Variants in ESRRB observed in about 807,000 individuals in gnomAD.
The protein encoded by ESRRB is estrogen related receptor beta.
A neutral mutation model predicts 46.0 loss-of-function variants in ESRRB; 16 were observed. That is an observed-to-expected ratio of 0.35 (90% confidence interval 0.24 to 0.53). ESRRB has a LOEUF of 0.53. Among genes scored for constraint, ESRRB ranks in the 20% least tolerant of loss-of-function variants. The pLI is 0.93. For synonymous variants in ESRRB, 246 were observed against 259.6 expected (o/e 0.95, Z 0.50); for missense variants, 488 against 607.4 (o/e 0.80, Z 2.07).
At chr14:76,490,619 G>A (rs778241120) in intron 5 of ESRRB, among the ~76,000 whole-genome samples, 13 of 152,214 alleles carry the variant, frequency 8.5e-5, no homozygotes, top group Admixed American at 2.0e-4. Context: ...GTTCAACCCA[G>A]GCAATCCCCA....
At position 76,499,836 on chromosome 14, in the gene ESRRB, G is replaced by C. The variant is rs758881455; in HGVS notation, c.*1378G>C. On this transcript the variant is annotated 3_prime_UTR_variant, in exon 7 of 7. Coordinates refer to ENST00000644823, the MANE Select transcript of ESRRB (RefSeq NM_001379180.1). ...AAAGTTTTCACTAACTCAAGGGGCA[G>C]CCCTGAACACCCATTTGTGCTCACA... 6.3e-7 allele frequency: 1 copy of C among 1,594,246 alleles called. No homozygotes were observed. The highest frequency in any genetic ancestry group is 1.7e-5 in the Admixed American group (1 of 60,006).
intron 1 of ESRRB, among the ~76,000 whole-genome samples, chr14:76,320,387 G>A (rs960612094): frequency 4.6e-5 from 7 of 152,166 alleles, no homozygotes; most frequent in East Asian, 1.9e-4. Flanking sequence ...TTCTTCTTCT[G>A]TAAAAGAAAT....
chr14:76,344,866 T>G (rs1474660300), intron 1 of ESRRB, among the ~76,000 whole-genome samples: 3 of 150,972 alleles, frequency 2.0e-5, no homozygotes, highest in South Asian at 2.1e-4. Context: ...AAAAAAAGAA[T>G]AATAGTGTCC....
chr14:76,422,206 C>CTT (rs552738537), intron 1 of ESRRB, among the ~76,000 whole-genome samples: 305 of 94,704 alleles, frequency 3.2e-3, no homozygotes, highest in Middle Eastern at 0.016. Flanking sequence ...ACATTTCCTT[C>CTT]TTTTTTTTTT....
chr14:76,412,283 A>G (rs1487562346), intron 1 of ESRRB, among the ~76,000 whole-genome samples: 2 of 152,210 alleles, frequency 1.3e-5, no homozygotes, highest in Non-Finnish European at 2.9e-5. Flanking sequence ...ACAGGAATAG[A>G]TGGAGTGGCT....
chr14:76,399,409 A>G (rs1248470178), intron 1 of ESRRB, among the ~76,000 whole-genome samples: 1 of 152,080 alleles, frequency 6.6e-6, no homozygotes, highest in African/African-American at 2.4e-5. Context: ...GGTGAAATCA[A>G]ACAGCCAACA....
chr14:76,443,667 T>C (rs1055954651), intron 2 of ESRRB, among the ~76,000 whole-genome samples: 7 of 152,212 alleles, frequency 4.6e-5, no homozygotes, highest in Admixed American at 3.3e-4. Flanking sequence ...CATGTTGTTC[T>C]TAGATGGGCT....
intron 1 of ESRRB, among the ~76,000 whole-genome samples, chr14:76,344,992 G>A (rs1884233285): frequency 6.6e-6 from 1 of 152,092 alleles, no homozygotes; most frequent in Non-Finnish European, 1.5e-5. Flanking sequence ...TGGGCATTTG[G>A]GTTGGTTCCA....
At chr14:76,404,895 A>G (rs1277255832) in intron 1 of ESRRB, among the ~76,000 whole-genome samples, 1 of 152,160 alleles carries the variant, frequency 6.6e-6, no homozygotes, top group Non-Finnish European at 1.5e-5. Context: ...AGGGCTCAGT[A>G]TGAAAGAACA....
At chr14:76,327,085 C>T (rs1372010471) in intron 1 of ESRRB, among the ~76,000 whole-genome samples, 1 of 152,266 alleles carries the variant, frequency 6.6e-6, no homozygotes, top group Non-Finnish European at 1.5e-5. Context: ...GCCTTCCTGG[C>T]TGCTGGGCAA....
At chr14:76,449,270 G>A (rs1349624592) in intron 2 of ESRRB, among the ~76,000 whole-genome samples, 2 of 152,152 alleles carry the variant, frequency 1.3e-5, no homozygotes. Flanking sequence ...TTTACTCCCA[G>A]GCCAGGCATG....
chr14:76,454,312 G>T (rs1043307936), intron 2 of ESRRB, among the ~76,000 whole-genome samples: 1 of 152,166 alleles, frequency 6.6e-6, no homozygotes, highest in Non-Finnish European at 1.5e-5. Context: ...TTGAGATACT[G>T]TACTTGAGAT....
At chr14:76,369,280 G>GTT (rs201369005), upstream of ESRRB, among the ~76,000 whole-genome samples, 27,660 of 143,586 alleles carry the variant, frequency 0.19, 3,317 homozygotes, top group Non-Finnish European at 0.28. Flanking sequence ...TTTCTTTGAG[G>GTT]TTTTTTTTTT....
chr14:76,455,494 A>G (rs1454187999), intron 2 of ESRRB, among the ~76,000 whole-genome samples: 5 of 151,954 alleles, frequency 3.3e-5, no homozygotes, highest in African/African-American at 1.2e-4. Context: ...AAAATTTTCT[A>G]TTTTGCCTGT....
intron 1 of ESRRB, among the ~76,000 whole-genome samples, chr14:76,353,795 T>C (rs1050987229): frequency 1.3e-5 from 2 of 151,724 alleles, no homozygotes; most frequent in Non-Finnish European, 2.9e-5. Flanking sequence ...CTCACTATGT[T>C]AGTTACAAAA....
intron 1 of ESRRB, among the ~76,000 whole-genome samples, chr14:76,402,429 T>C (rs1885982917): frequency 6.6e-6 from 1 of 152,154 alleles, no homozygotes; most frequent in South Asian, 2.1e-4. Context: ...TCCTTATTTA[T>C]TTGGCCATGG....
At chr14:76,323,770 T>G (rs1467325255) in intron 1 of ESRRB, among the ~76,000 whole-genome samples, 1 of 151,964 alleles carries the variant, frequency 6.6e-6, no homozygotes, top group Non-Finnish European at 1.5e-5. Context: ...ACTTCCCGAG[T>G]GGTGGCCTTG....
intron 1 of ESRRB, among the ~76,000 whole-genome samples, chr14:76,393,967 A>ATTTTTTTTTTTTTTTTTTTTT (rs71122531): frequency 2.4e-5 from 3 of 126,986 alleles, no homozygotes; most frequent in Admixed American, 8.2e-5. Context: ...TGCCTGGCTA[A>ATTTTTTTTTTTTTTTTTTTTT]TTTTTTTTTT....
chr14:76,449,970 C>T (rs1423495380), intron 2 of ESRRB, among the ~76,000 whole-genome samples: 2 of 152,102 alleles, frequency 1.3e-5, no homozygotes, highest in African/African-American at 4.8e-5. Context: ...ATGTTGCCTA[C>T]ACTGGTCTTG....
Sources: gnomAD v4.1 joint callset for allele counts (sites outside exome capture counted in the v4.1 genomes callset) on GRCh38, gnomAD v4.1.1 for gene constraint, MANE v1.5 for transcripts, NCBI Gene and HGNC (gene_info 2026-07-23, HGNC 2026-07-21) for gene names.